The following PLXNA2 variants were observed in gnomAD, a reference collection of about 807,000 sequenced individuals.
The protein encoded by PLXNA2 is plexin A2.
In PLXNA2, 91 loss-of-function variants were observed where a neutral mutation model predicts 193.5. That is an observed-to-expected ratio of 0.47 (90% confidence interval 0.40 to 0.56). The LOEUF is 0.56. Among genes scored for constraint, PLXNA2 ranks in the 20% least tolerant of loss-of-function variants. PLXNA2 has a pLI of 0.00. For missense variants in PLXNA2, 1,995 were observed against 2,503.2 expected, an observed-to-expected ratio of 0.80 and a Z score of 4.33; for synonymous variants, 997 against 1,027.3, an observed-to-expected ratio of 0.97 and a Z score of 0.56.
intron 3 of PLXNA2, among the ~76,000 whole-genome samples, chr1:208,194,115 G>T (rs1041922025): frequency 1.3e-5 from 2 of 151,712 alleles, no homozygotes; most frequent in African/African-American, 4.8e-5. Context: ...CTATCCCTCA[G>T]CCAAGGAAAG....
At chr1:208,041,235 C>G (rs919090318) in intron 22 of PLXNA2, among the ~76,000 whole-genome samples, 1 of 152,206 alleles carries the variant, frequency 6.6e-6, no homozygotes, top group Middle Eastern at 3.2e-3. Flanking sequence ...CCACGTGGGG[C>G]CTGGAAGCCT....
rs948030550 is a variant in PLXNA2, at chr1:208,126,797, C to T, written c.1506+15532G>A. The stretch of plus-strand genomic sequence containing the variant: ...TATCTTCCTGCCTGCCCTGCCTTCC[C>T]AGAGCACAGGCCCTGCTCTCACTCT... On this transcript the variant is annotated intron_variant, in intron 4 of 31. Transcript: ENST00000367033. Among the ~76,000 whole-genome samples the T allele has an allele frequency of 1.0e-3, 155 of 152,110 alleles. 1 individual carries two copies. The highest frequency in any genetic ancestry group is 1.9e-4 in the East Asian group (1 of 5,142).
chr1:208,242,509 C>T (rs978308207), intron 1 of PLXNA2, among the ~76,000 whole-genome samples: 1 of 152,170 alleles, frequency 6.6e-6, no homozygotes, highest in African/African-American at 2.4e-5. Flanking sequence ...ACTGATGCTG[C>T]CTTCATGTCC....
chr1:208,186,708 A>ATTTTGTTTTTTGTTTTTTT (rs368056918), intron 3 of PLXNA2, among the ~76,000 whole-genome samples: 3 of 111,742 alleles, frequency 2.7e-5, no homozygotes, highest in African/African-American at 9.0e-5. Context: ...TTGCAATGTT[A>ATTTTGTTTTTTGTTTTTTT]TTTTATTTTT....
intron 8 of PLXNA2, among the ~76,000 whole-genome samples, chr1:208,095,460 G>T (rs1666850541): frequency 6.6e-6 from 1 of 152,132 alleles, no homozygotes; most frequent in Non-Finnish European, 1.5e-5. Context: ...TGGCCTGTCT[G>T]GTTTCCCTTC....
At chr1:208,138,608 G>A (rs1397845896) in intron 4 of PLXNA2, among the ~76,000 whole-genome samples, 1 of 152,212 alleles carries the variant, frequency 6.6e-6, no homozygotes, top group Non-Finnish European at 1.5e-5. Context: ...ATGCTGACCG[G>A]GCGCAGTGGC....
intron 6 of PLXNA2, among the ~76,000 whole-genome samples, chr1:208,097,763 T>C (rs796404181): frequency 1.3e-5 from 2 of 152,068 alleles, no homozygotes; most frequent in Non-Finnish European, 2.9e-5. Context: ...GAAAGGCGAC[T>C]GGTTTCCTCT....
chr1:208,028,776 C>G lies in PLXNA2; in HGVS notation c.5438+54G>C. On this transcript the variant is annotated intron_variant, in intron 30 of 31. Coordinates refer to ENST00000367033, the MANE Select transcript of PLXNA2 (RefSeq NM_025179.4). This position sits in a 1 kb window ranked among gnomAD's most constrained non-coding sequence, Gnocchi z 4.2. Reference sequence around the variant, plus strand: ...TCCTTAGTCAGTGATGACTATAGAGCGGGGAATGGGCAGGGAGACAAGGGC... The same window carrying G: ...TCCTTAGTCAGTGATGACTATAGAGGGGGGAATGGGCAGGGAGACAAGGGC... 1 of 1,509,054 alleles carries G rather than the reference C, an allele frequency of 6.6e-7. No homozygotes were observed. Among genetic ancestry groups the G allele is most frequent in the Non-Finnish European group, 9.1e-7 (1 of 1,095,334 alleles). The allele number at this position is 1,509,054 out of a possible 1,614,324, so 93.5% of individuals were successfully genotyped here.
chr1:208,096,513 G>A (rs1666895239), intron 7 of PLXNA2, among the ~76,000 whole-genome samples: 1 of 152,200 alleles, frequency 6.6e-6, no homozygotes, highest in Non-Finnish European at 1.5e-5. Flanking sequence ...CTGGAAAGAC[G>A]CTGTGTTCTG....
At chr1:208,239,065 C>G (rs1214478902) in intron 1 of PLXNA2, among the ~76,000 whole-genome samples, 1 of 152,096 alleles carries the variant, frequency 6.6e-6, no homozygotes, top group African/African-American at 2.4e-5. Context: ...AAAGGTCCCA[C>G]TGGCAATAGG....
intron 4 of PLXNA2, among the ~76,000 whole-genome samples, chr1:208,108,942 A>T (rs1667369403): frequency 6.6e-6 from 1 of 152,212 alleles, no homozygotes; most frequent in Non-Finnish European, 1.5e-5. Context: ...AGAGGGATGA[A>T]AGGAACAAGG....
Position 208,051,238 on chromosome 1 carries a change from T to A in PLXNA2, c.3161+18A>T. The stretch of plus-strand genomic sequence containing the variant: ...GCTGGGTGGCTTCCAGGTGCATCCC[T>A]CCCACCTTCCACCTCACCTGGCAAT... On this transcript the variant is annotated intron_variant, in intron 16 of 31. Coordinates refer to ENST00000367033, the MANE Select transcript of PLXNA2 (RefSeq NM_025179.4). The A allele has an allele frequency of 1.2e-6, 2 of 1,600,188 alleles. No homozygotes were observed. The highest frequency in any genetic ancestry group is 1.7e-6 in the Non-Finnish European group (2 of 1,171,122).
At chr1:208,105,473 T>A (rs1417626224) in intron 4 of PLXNA2, among the ~76,000 whole-genome samples, 1 of 152,204 alleles carries the variant, frequency 6.6e-6, no homozygotes, top group Non-Finnish European at 1.5e-5. Flanking sequence ...AGCCTTCTAT[T>A]TCCCACAGTT....
chr1:208,054,280 C>A, intron 14 of PLXNA2, 141 bp downstream of exon 14: 1 of 580,392 alleles, frequency 1.7e-6, no homozygotes. Context: ...CCAGAAGTTG[C>A]CTTATCTGGA....
intron 14 of PLXNA2, 84 bp from the exon 15 acceptor site, chr1:208,052,547 T>C: frequency 1.4e-6 from 2 of 1,393,660 alleles, no homozygotes; most frequent in Non-Finnish European, 2.0e-6. Flanking sequence ...ATGGGAGAGA[T>C]TGTTTTCATT....
chr1:208,170,357 C>A (rs1391320655), intron 3 of PLXNA2, among the ~76,000 whole-genome samples: 1 of 152,168 alleles, frequency 6.6e-6, no homozygotes, highest in Non-Finnish European at 1.5e-5. Flanking sequence ...TGACTGGAGG[C>A]TGGGGAGAAC....
At chr1:208,102,212 C>G (rs528784991) in intron 5 of PLXNA2, among the ~76,000 whole-genome samples, 1 of 152,184 alleles carries the variant, frequency 6.6e-6, no homozygotes, top group South Asian at 2.1e-4. Flanking sequence ...CAACACCTGC[C>G]GCAGAGGCTG....
chr1:208,145,484 A>G (rs1668576709), intron 3 of PLXNA2, among the ~76,000 whole-genome samples: 1 of 152,124 alleles, frequency 6.6e-6, no homozygotes, highest in African/African-American at 2.4e-5. Context: ...AATATTCTTC[A>G]TCTGCCTTTT....
At chr1:208,197,032 T>C (rs1487782870) in intron 3 of PLXNA2, among the ~76,000 whole-genome samples, 1 of 152,212 alleles carries the variant, frequency 6.6e-6, no homozygotes, top group Admixed American at 6.5e-5. Flanking sequence ...ATGACCTTTT[T>C]AAAGACAAGA....
Sources: allele counts gnomAD v4.1 joint callset (sites outside exome capture counted in the v4.1 genomes callset), GRCh38; gene constraint gnomAD v4.1.1; non-coding constraint Gnocchi (gnomAD v3.1); transcripts MANE v1.5; gene names NCBI Gene and HGNC (gene_info 2026-07-23, HGNC 2026-07-21).